KCNJ18: variants seen among roughly 807,000 people sequenced by gnomAD.
KCNJ18 encodes the protein potassium inwardly rectifying channel subfamily J member 18, also known as inward rectifier potassium channel 18.
In KCNJ18, 16 loss-of-function variants were observed where a neutral mutation model predicts 17.3. The observed-to-expected ratio is 0.92, with a 90% CI of 0.62 to 1.40. The LOEUF (loss-of-function observed/expected upper bound fraction) is 1.40. Ranked by LOEUF, KCNJ18 falls within the 40% of genes most tolerant of loss-of-function variation. The pLI is 0.00. For missense variants in KCNJ18, 462 were observed against 626.8 expected (o/e 0.74, Z 2.81); for synonymous variants, 185 against 262.6 (o/e 0.70, Z 2.86).
chr17:21,693,782 C>G (rs1905677975), intron 1 of KCNJ18, among the ~76,000 whole-genome samples: 1 of 152,226 alleles, frequency 6.6e-6, no homozygotes, highest in African/African-American at 2.4e-5. Flanking sequence ...AACTCTGCAG[C>G]TCATCCACCT....
intron 1 of KCNJ18, among the ~76,000 whole-genome samples, chr17:21,695,133 A>G (rs1402148653): frequency 2.0e-5 from 3 of 152,324 alleles, no homozygotes; most frequent in Admixed American, 1.3e-4. Flanking sequence ...CTGTTCATCC[A>G]TCCATCCAAT....
chr17:21,697,390 G>C (rs1451533061), intron 2 of KCNJ18, among the ~76,000 whole-genome samples: 1 of 152,308 alleles, frequency 6.6e-6, no homozygotes. Context: ...CAGAGGCCAG[G>C]TGAGTCTCTG....
intron 2 of KCNJ18, among the ~76,000 whole-genome samples, chr17:21,697,251 C>T (rs1231441938): frequency 2.0e-5 from 3 of 152,308 alleles, no homozygotes; most frequent in African/African-American, 4.8e-5. Flanking sequence ...GGGGCACCCA[C>T]CACCCCATGC....
At chr17:21,692,885 C>A (rs1339830499) in intron 1 of KCNJ18, among the ~76,000 whole-genome samples, 171 bp downstream of exon 1, 6 of 152,426 alleles carry the variant, frequency 3.9e-5, no homozygotes, top group African/African-American at 1.4e-4. Context: ...CATGGCACAC[C>A]CTCTGAGAGG....
intron 2 of KCNJ18, among the ~76,000 whole-genome samples, chr17:21,699,659 G>A (rs1247697029): frequency 6.6e-6 from 1 of 152,304 alleles, no homozygotes; most frequent in Admixed American, 6.5e-5. Context: ...ACTTGACCTT[G>A]TTGATGCTCT....
intron 2 of KCNJ18, among the ~76,000 whole-genome samples, chr17:21,700,118 C>A (rs1905902663): frequency 6.6e-6 from 1 of 152,246 alleles, no homozygotes; most frequent in South Asian, 2.1e-4. Context: ...CAGCTCCCTA[C>A]TTCCAGGCCC....
chr17:21,702,476 A>G (rs1401849177), intron 2 of KCNJ18, among the ~76,000 whole-genome samples: 2 of 152,202 alleles, frequency 1.3e-5, no homozygotes, highest in Non-Finnish European at 2.9e-5. Context: ...CGGATCCTAA[A>G]TAGACTCTTC....
At position 21,704,125 on chromosome 17, in the gene KCNJ18, C is replaced by A; in HGVS notation, c.*37C>A. On this transcript the variant is annotated 3_prime_UTR_variant, in exon 3 of 3. Transcript: ENST00000567955. ...CCGACATGCAGCATCCACCCCTGGC[C>A]GGGGAGAGGCCCCGCGGTCGCTCAG... 1 of 1,492,158 alleles carries A rather than the reference C, an allele frequency of 6.7e-7. No homozygotes were observed. The highest frequency in any genetic ancestry group is 8.9e-7 in the Non-Finnish European group (1 of 1,121,542). 92.4% of individuals were successfully genotyped at this position (1,492,158 alleles called of 1,614,324 possible).
chr17:21,694,877 A>G (rs1304026640), intron 1 of KCNJ18, among the ~76,000 whole-genome samples: 38 of 151,020 alleles, frequency 2.5e-4, no homozygotes, highest in African/African-American at 9.1e-4. Context: ...CCACTCAACC[A>G]TATACCCACC....
intron 1 of KCNJ18, among the ~76,000 whole-genome samples, chr17:21,695,034 CCCATCCATCCAT>C (rs1447090339): frequency 6.6e-6 from 1 of 152,262 alleles, no homozygotes; most frequent in East Asian, 1.9e-4. Context: ...CATCCATCCA[CCCATCCATCCAT>C]CCATCCACCC....
chr17:21,704,121 T>C lies in KCNJ18; in HGVS notation c.*33T>C, dbSNP rs1159649364. 21 of 1,309,292 alleles carry C rather than the reference T, an allele frequency of 1.6e-5. No individual in the cohort carries two copies. Among genetic ancestry groups the C allele is most frequent in the East Asian group, 2.5e-5 (1 of 39,446 alleles). 81.1% of individuals were successfully genotyped at this position (1,309,292 alleles called of 1,614,324 possible). On this transcript the variant is annotated 3_prime_UTR_variant, in exon 3 of 3. Coordinates refer to ENST00000567955, the MANE Select transcript of KCNJ18 (RefSeq NM_001194958.2). ...TTGGCCGACATGCAGCATCCACCCCTGGCCGGGGAGAGGCCCCGCGGTCGC... is the reference window on the plus strand; with the variant it reads ...TTGGCCGACATGCAGCATCCACCCCCGGCCGGGGAGAGGCCCCGCGGTCGC...
chr17:21,697,739 AG>A (rs1905807966), intron 2 of KCNJ18, among the ~76,000 whole-genome samples: 1 of 152,312 alleles, frequency 6.6e-6, no homozygotes, highest in Non-Finnish European at 1.5e-5. Context: ...TGATGGAGCA[AG>A]GGCACCACTG....
chr17:21,699,849 T>A (rs1905883369), intron 2 of KCNJ18, among the ~76,000 whole-genome samples: 1 of 152,260 alleles, frequency 6.6e-6, no homozygotes, highest in African/African-American at 2.4e-5. Flanking sequence ...TGGGAGCACA[T>A]GCAGACCGGG....
At chr17:21,696,461 C>G (rs1249756275) in intron 2 of KCNJ18, among the ~76,000 whole-genome samples, 3 of 152,194 alleles carry the variant, frequency 2.0e-5, no homozygotes, top group African/African-American at 7.2e-5. Flanking sequence ...CATGTTGATT[C>G]AATCACTCTT....
At chr17:21,696,326 C>G (rs1384531255) in intron 2 of KCNJ18, among the ~76,000 whole-genome samples, 1 of 151,872 alleles carries the variant, frequency 6.6e-6, no homozygotes, top group Non-Finnish European at 1.5e-5. Flanking sequence ...CCCACCCATT[C>G]ATCTGCTCAA....
chr17:21,699,094 CTT>C (rs1173010991), intron 2 of KCNJ18, among the ~76,000 whole-genome samples: 3 of 152,174 alleles, frequency 2.0e-5, no homozygotes, highest in Admixed American at 6.5e-5. Context: ...GGACAAGTCT[CTT>C]TTTCTTTTTG....
At chr17:21,693,918 A>G (rs1269804817) in intron 1 of KCNJ18, among the ~76,000 whole-genome samples, 1 of 152,146 alleles carries the variant, frequency 6.6e-6, no homozygotes, top group African/African-American at 2.4e-5. Flanking sequence ...TCCCAGAATG[A>G]TGAGGGATGG....
chr17:21,701,090 G>A (rs1408994505), intron 2 of KCNJ18, among the ~76,000 whole-genome samples: 1 of 152,054 alleles, frequency 6.6e-6, no homozygotes, highest in Non-Finnish European at 1.5e-5. Flanking sequence ...AGATGTGGCT[G>A]TGGGCCAGGC....
Position 21,703,319 on chromosome 17 carries a change from G to A in KCNJ18, c.533G>A (p.Gly178Asp), listed in dbSNP as rs1906038342. The change falls in exon 3 of 3, where the codon GGT becomes GAT. Residue 178 changes from glycine to aspartate, a missense_variant. By Grantham distance (94) the Gly-to-Asp change is moderately conservative. Around this residue, in one of 5 missense-constraint regions of KCNJ18, gnomAD observed 27 missense variants for 119.2 expected, o/e 0.23. Transcript: ENST00000567955. ...VGCIIDSFMI[G>D]AIMAKMARPK... Reference sequence around the variant, plus strand: ...TGCATCATCGACTCCTTCATGATTGGTGCCATCATGGCCAAGATGGCAAGG... The same window carrying A: ...TGCATCATCGACTCCTTCATGATTGATGCCATCATGGCCAAGATGGCAAGG... 7 of 1,606,976 alleles carry A rather than the reference G, an allele frequency of 4.4e-6. No individual in the cohort carries two copies. The highest frequency in any genetic ancestry group is 3.4e-6 in the Non-Finnish European group (4 of 1,176,088).
Sources: gnomAD v4.1 joint callset for allele counts (sites outside exome capture counted in the v4.1 genomes callset) on GRCh38, gnomAD v4.1.1 for gene constraint, gnomAD v4.1.1 regional missense constraint, MANE v1.5 for transcripts, NCBI Gene and HGNC (gene_info 2026-07-23, HGNC 2026-07-21) for gene names.